Variants in EPM2A observed in about 807,000 individuals in gnomAD.
EPM2A encodes laforin.
EPM2A carries 21 observed loss-of-function variants against 26.5 expected under a neutral mutation model. The ratio of observed to expected loss-of-function variants is 0.79; its 90% CI spans 0.56 to 1.14. The LOEUF is 1.14. Among genes scored for constraint, EPM2A ranks in the 50% most tolerant of loss-of-function variants. The pLI, the probability that EPM2A is intolerant of heterozygous loss-of-function variation, is 0.00. For missense variants in EPM2A, 458 were observed against 440.8 expected (o/e 1.04, Z -0.35); for synonymous variants, 217 against 177.6 (o/e 1.22, Z -1.76).
At chr6:145,723,611 G>T (rs9390347) in intron 1 of EPM2A, among the ~76,000 whole-genome samples, 80,555 of 151,526 alleles carry the variant, frequency 0.53, 21,997 homozygotes, top group East Asian at 0.67. Context: ...TAGAAAAATG[G>T]CAAAATTCAT....
At chr6:145,435,685 T>TA (rs1441796939) in intron 4 of EPM2A, among the ~76,000 whole-genome samples, 1 of 152,036 alleles carries the variant, frequency 6.6e-6, no homozygotes, top group African/African-American at 2.4e-5. Flanking sequence ...AACAGACTGA[T>TA]ACAACTACTA....
At chr6:145,670,111 C>T (rs1402534445) in intron 2 of EPM2A, among the ~76,000 whole-genome samples, 1 of 152,144 alleles carries the variant, frequency 6.6e-6, no homozygotes, top group Non-Finnish European at 1.5e-5. Context: ...TCTCTCCTTT[C>T]TCTTCTTAAT....
intron 2 of EPM2A, among the ~76,000 whole-genome samples, chr6:145,609,335 T>C (rs868708316): frequency 1.3e-5 from 2 of 152,178 alleles, no homozygotes; most frequent in African/African-American, 4.8e-5. Context: ...TTTAACAAAA[T>C]TTAAATTTGT....
rs1008186004 is a variant in EPM2A, at chr6:145,671,106, G to A, written c.476+15016C>T. The A allele has an allele frequency of 5.0e-6, 5 of 993,322 alleles. No homozygotes were observed. The African/African-American group carries it at 5.2e-5, about 10-fold the overall frequency. The allele number at this position is 993,322 out of a possible 1,614,324, so 61.5% of individuals were successfully genotyped here. ...TATAGAAGCAGGACTATGTAATTAG[G>A]TCCCATTGCCCACCAAATTCTGTGG... On this transcript the variant is annotated intron_variant, in intron 2 of 3. Transcript: ENST00000367519.
intron 4 of EPM2A, among the ~76,000 whole-genome samples, chr6:145,447,955 T>A (rs529549118): frequency 6.6e-6 from 1 of 152,218 alleles, no homozygotes; most frequent in Admixed American, 6.5e-5. Context: ...GACATCAAAC[T>A]GGTAGGACTT....
chr6:145,620,183 G>T (rs1775602370), intron 2 of EPM2A, among the ~76,000 whole-genome samples: 1 of 152,204 alleles, frequency 6.6e-6, no homozygotes, highest in South Asian at 2.1e-4. Context: ...GGACAGGGAG[G>T]CGAGGGGAGT....
chr6:145,503,316 G>A (rs1220679061), intron 2 of EPM2A, among the ~76,000 whole-genome samples: 2 of 149,302 alleles, frequency 1.3e-5, no homozygotes, highest in African/African-American at 2.5e-5. Context: ...CCTGTTTGCA[G>A]ACGACATGAT....
intron 1 of EPM2A, among the ~76,000 whole-genome samples, chr6:145,694,220 C>T (rs1042752153): frequency 9.2e-5 from 14 of 151,864 alleles, no homozygotes; most frequent in African/African-American, 2.7e-4. Context: ...GATTCTAACA[C>T]ATTAATCTCT....
intron 3 of EPM2A, chr6:145,628,035 G>A (rs754784143): frequency 6.5e-5 from 18 of 278,988 alleles, no homozygotes; most frequent in Non-Finnish European, 1.0e-4. Context: ...TTTTTGCAGA[G>A]ATTGGTCAGA....
At chr6:145,697,245 C>T (rs1781647444) in intron 1 of EPM2A, among the ~76,000 whole-genome samples, 1 of 152,022 alleles carries the variant, frequency 6.6e-6, no homozygotes, top group Non-Finnish European at 1.5e-5. Context: ...TTCCGTGATG[C>T]CCCCGGAGCC....
chr6:145,386,805 A>G (rs1236230150), intron 4 of EPM2A, among the ~76,000 whole-genome samples: 1 of 152,210 alleles, frequency 6.6e-6, no homozygotes, highest in Admixed American at 6.6e-5. Flanking sequence ...GGTGCAGATA[A>G]TCTTAAACCA....
intron 2 of EPM2A, among the ~76,000 whole-genome samples, chr6:145,503,275 T>C (rs1453444012): frequency 1.3e-5 from 2 of 151,402 alleles, no homozygotes; most frequent in South Asian, 2.1e-4. Flanking sequence ...ATAAAGGGTA[T>C]TCAATTAGGA....
intron 2 of EPM2A, among the ~76,000 whole-genome samples, chr6:145,601,553 T>C (rs1396048536): frequency 6.6e-6 from 1 of 152,208 alleles, no homozygotes; most frequent in East Asian, 1.9e-4. Flanking sequence ...GTTCTGTGTG[T>C]GTATGTGCAT....
intron 1 of EPM2A, among the ~76,000 whole-genome samples, chr6:145,726,309 A>G (rs1270515013): frequency 6.6e-6 from 1 of 152,126 alleles, no homozygotes; most frequent in Non-Finnish European, 1.5e-5. Context: ...GTGAATTCCT[A>G]TATATATAAA....
intron 4 of EPM2A, among the ~76,000 whole-genome samples, chr6:145,400,731 A>G (rs559758486): frequency 3.3e-5 from 5 of 152,330 alleles, no homozygotes; most frequent in African/African-American, 7.2e-5. Flanking sequence ...ATGACTTTCT[A>G]TGTAAATATT....
In EPM2A at chr6:145,406,458, G is replaced by T. The variant is rs142563754; in HGVS notation, c.556-22361C>A. 5.3e-4 allele frequency among the ~76,000 whole-genome samples: 81 copies of T among 152,198 alleles called. 1 individual carries two copies. Among genetic ancestry groups the T allele is most frequent in the African/African-American group, 1.8e-3 (73 of 41,538 alleles). ...GTAATTTAATTTCCACTCTTAAGGCGGTAACAATTACGTGTGAAAGTGGTA... is the reference window on the plus strand; with the variant it reads ...GTAATTTAATTTCCACTCTTAAGGCTGTAACAATTACGTGTGAAAGTGGTA... On this transcript the variant is annotated intron_variant, in intron 4 of 4. Coordinates refer to the EPM2A transcript ENST00000638717.
intron 4 of EPM2A, among the ~76,000 whole-genome samples, chr6:145,467,732 C>T (rs947994446): frequency 6.6e-6 from 1 of 152,074 alleles, no homozygotes; most frequent in Non-Finnish European, 1.5e-5. Flanking sequence ...CAGGAACATG[C>T]TATGCCTCTG....
chr6:145,387,528 T>C (rs961876837), intron 4 of EPM2A, among the ~76,000 whole-genome samples: 3 of 152,096 alleles, frequency 2.0e-5, no homozygotes, highest in African/African-American at 7.2e-5. Context: ...TCTAGTTTTG[T>C]CAGGCACCAG....
intron 2 of EPM2A, among the ~76,000 whole-genome samples, chr6:145,675,455 TG>T: frequency 6.6e-6 from 1 of 152,244 alleles, no homozygotes; most frequent in South Asian, 2.1e-4. Context: ...TAAATGTAAA[TG>T]GGCTAAATGC....
Sources: allele counts gnomAD v4.1 joint callset (sites outside exome capture counted in the v4.1 genomes callset), GRCh38; gene constraint gnomAD v4.1.1; transcripts MANE v1.5; gene names NCBI Gene and HGNC (gene_info 2026-07-23, HGNC 2026-07-21).